The following RGS8 variants were observed in gnomAD, a reference collection of about 807,000 sequenced individuals.
RGS8 encodes the protein regulator of G-protein signaling 8.
Under a neutral mutation model 21.7 loss-of-function variants are expected in RGS8, and 8 were observed. That is an observed-to-expected ratio of 0.37 (90% confidence interval 0.22 to 0.66). The LOEUF (loss-of-function observed/expected upper bound fraction) is 0.66, where lower values mean the gene tolerates loss of function less well. Among genes scored for constraint, RGS8 ranks in the 30% least tolerant of loss-of-function variants. The probability of loss-of-function intolerance (pLI) is 0.59; values close to 1 mark genes in which losing one functional copy is unlikely to be tolerated. For synonymous variants in RGS8, 80 were observed against 83.6 expected (o/e 0.96, Z 0.24); for missense variants, 157 against 217.9 (o/e 0.72, Z 1.76).
At chr1:182,661,191 A>G (rs183153059) in intron 5 of RGS8, among the ~76,000 whole-genome samples, 5 of 151,908 alleles carry the variant, frequency 3.3e-5, no homozygotes, top group African/African-American at 1.2e-4. Context: ...TTAAAAACTA[A>G]AAGTTTCTCT....
chr1:182,700,110 G>A, the RGS8 span, among the ~76,000 whole-genome samples: 1 of 152,186 alleles, frequency 6.6e-6, no homozygotes. Flanking sequence ...CCCAGAGCCC[G>A]CCGAGGGGAG....
chr1:182,680,885 G>A (rs897349429), intron 1 of RGS8, among the ~76,000 whole-genome samples: 9 of 152,186 alleles, frequency 5.9e-5, no homozygotes, highest in African/African-American at 2.2e-4. Flanking sequence ...GAGACAGTGT[G>A]GAGTCACAGA....
the RGS8 span, among the ~76,000 whole-genome samples, chr1:182,708,228 A>G: frequency 5.3e-5 from 8 of 152,200 alleles, no homozygotes; most frequent in African/African-American, 1.4e-4. Flanking sequence ...CAAGGAGTCC[A>G]CCAGAAAAAG....
At chr1:182,694,569 G>T in the RGS8 span, among the ~76,000 whole-genome samples, 2 of 152,212 alleles carry the variant, frequency 1.3e-5, no homozygotes, top group Non-Finnish European at 2.9e-5. Flanking sequence ...CACTTTGGGA[G>T]GCCGAGGTGG....
At chr1:182,689,628 T>C in the RGS8 span, among the ~76,000 whole-genome samples, 1 of 152,118 alleles carries the variant, frequency 6.6e-6, no homozygotes, top group Non-Finnish European at 1.5e-5. Flanking sequence ...CACCCAGTCC[T>C]GGGATAGGAA....
At chr1:182,699,107 A>G in the RGS8 span, among the ~76,000 whole-genome samples, 1 of 152,134 alleles carries the variant, frequency 6.6e-6, no homozygotes, top group Non-Finnish European at 1.5e-5. Flanking sequence ...TGACTTGCGC[A>G]TTTTGATTCA....
At chr1:182,650,500 A>T (rs1356200271) in intron 5 of RGS8, among the ~76,000 whole-genome samples, 1 of 152,144 alleles carries the variant, frequency 6.6e-6, no homozygotes, top group African/African-American at 2.4e-5. Context: ...TTTCCGGGTG[A>T]CTCCCAACAC....
At chr1:182,670,261 C>T (rs1664091331) in intron 2 of RGS8, among the ~76,000 whole-genome samples, 1 of 152,230 alleles carries the variant, frequency 6.6e-6, no homozygotes, top group Non-Finnish European at 1.5e-5. Flanking sequence ...GCTTGTCAGG[C>T]ACCATCACCA....
the RGS8 span, among the ~76,000 whole-genome samples, chr1:182,725,783 G>C: frequency 2.0e-5 from 3 of 152,152 alleles, no homozygotes; most frequent in African/African-American, 7.2e-5. Context: ...AGTGTCTGAC[G>C]TCACGGCGTG....
intron 6 of RGS8, 142 bp from the exon 8 acceptor site, chr1:182,647,059 G>C: frequency 1.8e-5 from 13 of 715,986 alleles, no homozygotes; most frequent in Non-Finnish European, 3.0e-5. Context: ...TTCCATGGAG[G>C]TCATCCCTTT....
chr1:182,715,602 T>C, the RGS8 span, among the ~76,000 whole-genome samples: 1 of 152,198 alleles, frequency 6.6e-6, no homozygotes, highest in Non-Finnish European at 1.5e-5. Context: ...TTTATTCAAG[T>C]GGGGCCTGAA....
At chr1:182,681,642 C>T (rs1047577543) in intron 1 of RGS8, among the ~76,000 whole-genome samples, 3 of 152,154 alleles carry the variant, frequency 2.0e-5, no homozygotes, top group East Asian at 1.9e-4. Flanking sequence ...GTATTTGCTC[C>T]GAAATTCACA....
At chr1:182,724,243 T>TATAC in the RGS8 span, among the ~76,000 whole-genome samples, 1 of 132,048 alleles carries the variant, frequency 7.6e-6, no homozygotes, top group Admixed American at 7.6e-5. Context: ...TATATATATA[T>TATAC]ATATCCTATT....
chr1:182,728,233 A>G, the RGS8 span, among the ~76,000 whole-genome samples: 1 of 152,254 alleles, frequency 6.6e-6, no homozygotes, highest in Non-Finnish European at 1.5e-5. Context: ...CTGGCTAAAC[A>G]TAAAAGCAAA....
At chr1:182,689,296 CA>C (rs751061800), upstream of RGS8, among the ~76,000 whole-genome samples, 4,634 of 149,786 alleles carry the variant, frequency 0.031, 99 homozygotes, top group Admixed American at 0.042. Context: ...CACACACACA[CA>C]CACACACACC....
At chr1:182,656,416 C>T (rs900665882) in intron 5 of RGS8, among the ~76,000 whole-genome samples, 3 of 152,164 alleles carry the variant, frequency 2.0e-5, no homozygotes, top group Middle Eastern at 3.2e-3. Flanking sequence ...GAACTGAGGC[C>T]GTTAGGTGCC....
the RGS8 span, among the ~76,000 whole-genome samples, chr1:182,692,842 G>A: frequency 6.6e-6 from 1 of 152,152 alleles, no homozygotes; most frequent in South Asian, 2.1e-4. Flanking sequence ...ACAACCTTCT[G>A]ATCTTTGAAA....
intron 5 of RGS8, among the ~76,000 whole-genome samples, chr1:182,650,495 G>C (rs151281086): frequency 6.6e-6 from 1 of 152,236 alleles, no homozygotes; most frequent in African/African-American, 2.4e-5. Flanking sequence ...AAAGGTTTCC[G>C]GGTGACTCCC....
chr1:182,683,535 A>AAGCCAGGTTCTC (rs1457527240), intron 1 of RGS8, among the ~76,000 whole-genome samples: 2 of 151,868 alleles, frequency 1.3e-5, no homozygotes, highest in South Asian at 2.1e-4. Flanking sequence ...AAACACTTGC[A>AAGCCAGGTTCTC]AGCCAGGTTC....
Sources: allele counts gnomAD v4.1 joint callset (sites outside exome capture counted in the v4.1 genomes callset), GRCh38; gene constraint gnomAD v4.1.1; transcripts MANE v1.5; gene names NCBI Gene and HGNC (gene_info 2026-07-23, HGNC 2026-07-21).